AAMP: variants seen among roughly 807,000 people sequenced by gnomAD.
The protein encoded by AAMP is angio associated migratory cell protein.
A neutral mutation model predicts 51.1 loss-of-function variants in AAMP; 12 were observed. That is an observed-to-expected ratio of 0.23 (90% confidence interval 0.15 to 0.38). AAMP has a LOEUF of 0.38. Ranked by LOEUF, AAMP falls within the 10% of genes least tolerant of loss-of-function variation. The pLI, the probability that AAMP is intolerant of heterozygous loss-of-function variation, is 1.00. For synonymous variants in AAMP, 210 were observed against 218.7 expected (o/e 0.96, Z 0.35); for missense variants, 418 against 557.2 (o/e 0.75, Z 2.52).
Position 218,266,075 on chromosome 2 carries a change from T to C in AAMP, c.752A>G (p.His251Arg), listed in dbSNP as rs770762630. 4 of 1,614,112 alleles carry C rather than the reference T, an allele frequency of 2.5e-6. No homozygotes were observed. The highest frequency in any genetic ancestry group is 2.2e-5 in the South Asian group (2 of 91,082). Residue 251 changes from histidine to arginine, a missense_variant, in exon 6 of 11, where the codon CAT (histidine) becomes CGT (arginine). His to Arg is a conservative substitution (Grantham distance 29, BLOSUM62 0). Coordinates refer to ENST00000248450, the MANE Select transcript of AAMP (RefSeq NM_001087.5). The surrounding 1 kb of genome is among the most constrained non-coding windows in gnomAD (Gnocchi z 4.7). The stretch of plus-strand genomic sequence containing the variant: ...CCCACCTCTGATACCTTTCAGTACA[T>C]GGATAGGGCTTCCCTGCTTCAGGTC... ...IWDLKQGSPI[H>R]VLKGTEGHQG...
In AAMP at chr2:218,269,969, G is replaced by A. The variant is rs1392194866; in HGVS notation, c.118C>T (p.Pro40Ser). Residue 40 changes from proline (P) to serine (S), a missense_variant, in exon 1 of 11, where the codon CCA becomes TCA. Coordinates refer to ENST00000248450, the MANE Select transcript of AAMP (RefSeq NM_001087.5). ...VVELDPGPPDPDDLAQEMEDV... is the reference protein window; with the variant it reads ...VVELDPGPPDSDDLAQEMEDV... ...CCTGAGGAGCGGCAGTTCTCACCTG[G>A]GTCCGGCGGACCGGGATCAAGTTCT... 6.2e-7 allele frequency: 1 copy of A among 1,613,976 alleles called. No homozygotes were observed. Among genetic ancestry groups the A allele is most frequent in the Non-Finnish European group, 8.5e-7 (1 of 1,180,004 alleles).
At position 218,266,825 on chromosome 2, in the gene AAMP, A is replaced by G; in HGVS notation, c.534+22T>C. ...AACAACCCAAGGCCCCACAGAGCTG[A>G]CTCCCGCTCTGATGATCTTACCTCC... On this transcript the variant is annotated intron_variant, in intron 4 of 10. Coordinates refer to ENST00000248450, the MANE Select transcript of AAMP (RefSeq NM_001087.5). This position sits in a 1 kb window ranked among gnomAD's most constrained non-coding sequence, Gnocchi z 4.7. 6.2e-7 allele frequency: 1 copy of G among 1,613,104 alleles called. No individual in the cohort carries two copies.
In AAMP at chr2:218,265,517, C is replaced by T; in HGVS notation, c.984-56G>A. 3 of 1,574,714 alleles carry T rather than the reference C, an allele frequency of 1.9e-6. No homozygotes were observed. Among genetic ancestry groups the T allele is most frequent in the Non-Finnish European group, 2.6e-6 (3 of 1,146,034 alleles). On this transcript the variant is annotated intron_variant, in intron 8 of 10. Coordinates refer to ENST00000248450, the MANE Select transcript of AAMP (RefSeq NM_001087.5). This position sits in a 1 kb window ranked among gnomAD's most constrained non-coding sequence, Gnocchi z 6.6. ...TGAGGGCCTGGACTCACACGCCCTG[C>T]CGTCCTCCCGGGCCCCCAGCCCAGG...
rs780505810 is a variant in AAMP, at chr2:218,264,515, A to C, written c.*18T>G. On this transcript the variant is annotated 3_prime_UTR_variant, in exon 11 of 11. Transcript: ENST00000248450. Reference sequence around the variant, plus strand: ...TTCGTCCCCTCAACACCAGACACACAGGCAGGGGCTGCAGCCATTAACGGT... The same window carrying C: ...TTCGTCCCCTCAACACCAGACACACCGGCAGGGGCTGCAGCCATTAACGGT... 6.2e-7 allele frequency: 1 copy of C among 1,612,510 alleles called. No homozygotes were observed. Among genetic ancestry groups the C allele is most frequent in the Non-Finnish European group, 8.5e-7 (1 of 1,178,522 alleles).
intron 1 of AAMP, 171 bp downstream of exon 1, chr2:218,269,795 C>T: frequency 8.7e-7 from 1 of 1,152,594 alleles, no homozygotes; most frequent in South Asian, 1.5e-5. Flanking sequence ...AGGGAACCCC[C>T]ACCCCAGCCA....
rs549698349 is a variant in AAMP at position 218,267,100 on chromosome 2, C to T, written c.395-114G>A. 1.6e-6 allele frequency: 2 copies of T among 1,247,588 alleles called. No homozygotes were observed. The highest frequency in any genetic ancestry group is 4.9e-5 in the East Asian group (2 of 41,112). 77.3% of individuals were successfully genotyped at this position (1,247,588 alleles called of 1,614,324 possible). ...GGACCAGCTAGGAAAAAAAGAGGGG[C>T]GGGACTGAGCAGAACAGGTGCTGGA... On this transcript the variant is annotated intron_variant, in intron 3 of 10. Coordinates refer to ENST00000248450, the MANE Select transcript of AAMP (RefSeq NM_001087.5). The surrounding 1 kb of genome is among the most constrained non-coding windows in gnomAD (Gnocchi z 4.6).
rs1690669672 is a variant in AAMP at position 218,267,833 on chromosome 2, G to A, written c.275-220C>T. Reference sequence around the variant, plus strand: ...TTGCCAGAGTAGATCCCCTCACTGTGTGACTCCCGTCACCACCCAACACCA... The same window carrying A: ...TTGCCAGAGTAGATCCCCTCACTGTATGACTCCCGTCACCACCCAACACCA... On this transcript the variant is annotated intron_variant, in intron 2 of 10. Coordinates refer to ENST00000248450, the MANE Select transcript of AAMP (RefSeq NM_001087.5). This position sits in a 1 kb window ranked among gnomAD's most constrained non-coding sequence, Gnocchi z 4.6. 6.6e-6 allele frequency among the ~76,000 whole-genome samples: 1 copy of A among 152,202 alleles called. No homozygotes were observed. Among genetic ancestry groups the A allele is most frequent in the African/African-American group, 2.4e-5 (1 of 41,448 alleles).
At chr2:218,269,877 C>A in intron 1 of AAMP, 89 bp downstream of exon 1, 1 of 1,570,588 alleles carries the variant, frequency 6.4e-7, no homozygotes, top group South Asian at 1.1e-5. Flanking sequence ...AATGACCAGT[C>A]GGGTGTGGAG....
rs1385057731 is a variant in AAMP, at chr2:218,267,348, G to A, written c.394+146C>T. 1.7e-5 allele frequency: 21 copies of A among 1,236,026 alleles called. No individual in the cohort carries two copies. The highest frequency in any genetic ancestry group is 2.8e-5 in the South Asian group (2 of 70,642). 76.6% of individuals were successfully genotyped at this position (1,236,026 alleles called of 1,614,324 possible). A position where few individuals can be genotyped will look rare whatever the true frequency, so the allele number is the denominator to read the frequency against. On this transcript the variant is annotated intron_variant, in intron 3 of 10. Transcript: ENST00000248450. The surrounding 1 kb of genome is among the most constrained non-coding windows in gnomAD (Gnocchi z 4.6). ...CTGTGCCCAAAACACACTAGTATTC[G>A]CCCCGTGTCCCTGGGGCCCAGCACA...
At position 218,265,994 on chromosome 2, in the gene AAMP, T is replaced by C. The variant is rs1397842378; in HGVS notation, c.764-48A>G. ...CTCAGGCTTCGTCCTACCTCCCCTC[T>C]GAGTCCTGCCCCAGGTTCTCAGCCC... On this transcript the variant is annotated intron_variant, in intron 6 of 10. Transcript: ENST00000248450. The surrounding 1 kb of genome is among the most constrained non-coding windows in gnomAD (Gnocchi z 6.6). 22 of 1,608,898 alleles carry C rather than the reference T, an allele frequency of 1.4e-5. No individual in the cohort carries two copies. Among genetic ancestry groups the C allele is most frequent in the Non-Finnish European group, 1.9e-5 (22 of 1,175,486 alleles).
At position 218,264,303 on chromosome 2, in the gene AAMP, C is replaced by T; in HGVS notation, c.*230G>A. ...AAATGAAAGTGAAAGAGAAACAGGT[C>T]CACCCCTCCCTCTGAAGGGCCCACC... On this transcript the variant is annotated 3_prime_UTR_variant, in exon 11 of 11. Coordinates refer to ENST00000248450, the MANE Select transcript of AAMP (RefSeq NM_001087.5). 1.8e-6 allele frequency: 1 copy of T among 560,186 alleles called. No individual in the cohort carries two copies. Among genetic ancestry groups the T allele is most frequent in the Non-Finnish European group, 3.2e-6 (1 of 312,856 alleles). The allele number at this position is 560,186 out of a possible 1,614,324, so 34.7% of individuals were successfully genotyped here.
In AAMP at chr2:218,267,229, T is replaced by C. The variant is rs1406825817; in HGVS notation, c.395-243A>G. Among the ~76,000 whole-genome samples, 1 of 152,170 alleles carries C rather than the reference T, an allele frequency of 6.6e-6. No homozygotes were observed. The highest frequency in any genetic ancestry group is 1.5e-5 in the Non-Finnish European group (1 of 68,022). On this transcript the variant is annotated intron_variant, in intron 3 of 10. Coordinates refer to ENST00000248450, the MANE Select transcript of AAMP (RefSeq NM_001087.5). This position sits in a 1 kb window ranked among gnomAD's most constrained non-coding sequence, Gnocchi z 4.6. ...CCAGCCTCCTATGCCTTCCCCCTTC[T>C]GTCCACTCTACACCTCTGCCCGCCT...
Position 218,267,670 on chromosome 2 carries a change from C to T in AAMP, c.275-57G>A. On this transcript the variant is annotated intron_variant, in intron 2 of 10. Coordinates refer to ENST00000248450, the MANE Select transcript of AAMP (RefSeq NM_001087.5). This position sits in a 1 kb window ranked among gnomAD's most constrained non-coding sequence, Gnocchi z 4.6. The stretch of plus-strand genomic sequence containing the variant: ...ACAGAGCTCCCACCTAGGGCTCTGT[C>T]CTTCACAATCTTCAGGAAACCCACC... 1 of 1,598,520 alleles carries T rather than the reference C, an allele frequency of 6.3e-7. No homozygotes were observed.
rs1335750358 is a variant in AAMP at position 218,270,130 on chromosome 2, C to G, written c.-44G>C. ...CCACTTCTCTGGGCCCAAACGCCTC[C>G]CAGAGTCAGCTCTGCGCGACGACGC... is the stretch of plus-strand genomic sequence containing the variant. On this transcript the variant is annotated 5_prime_UTR_variant, in exon 1 of 11. Coordinates refer to ENST00000248450, the MANE Select transcript of AAMP (RefSeq NM_001087.5). The G allele has an allele frequency of 6.2e-7, 1 of 1,607,346 alleles. No individual in the cohort carries two copies. Among genetic ancestry groups the G allele is most frequent in the Non-Finnish European group, 8.5e-7 (1 of 1,176,348 alleles).
At position 218,266,555 on chromosome 2, in the gene AAMP, C is replaced by G. The variant is rs752826505; in HGVS notation, c.567G>C (p.Leu189=). The G allele has an allele frequency of 3.7e-6, 6 of 1,613,740 alleles. No homozygotes were observed. The highest frequency in any genetic ancestry group is 5.1e-6 in the Non-Finnish European group (6 of 1,179,934). Residue 189 remains leucine (L), a synonymous_variant, in exon 5 of 11, where the codon CTG becomes CTC. Coordinates refer to ENST00000248450, the MANE Select transcript of AAMP (RefSeq NM_001087.5). The surrounding 1 kb of genome is among the most constrained non-coding windows in gnomAD (Gnocchi z 4.7). ...TGTTGCCGTCAGCTGTGCCCGCCAACAGGACAGGTGCCCGAGGATGCCACT... is the reference window on the plus strand; with the variant it reads ...TGTTGCCGTCAGCTGTGCCCGCCAAGAGGACAGGTGCCCGAGGATGCCACT... The part of the protein sequence containing the change: ...WMEWHPRAPV[L]LAGTADGNTW...
In AAMP at chr2:218,265,757, G is replaced by A; in HGVS notation, c.879+74C>T. 1 of 1,570,424 alleles carries A rather than the reference G, an allele frequency of 6.4e-7. No homozygotes were observed. The highest frequency in any genetic ancestry group is 1.3e-5 in the African/African-American group (1 of 74,208). On this transcript the variant is annotated intron_variant, in intron 7 of 10. Transcript: ENST00000248450. The surrounding 1 kb of genome is among the most constrained non-coding windows in gnomAD (Gnocchi z 6.6). The stretch of plus-strand genomic sequence containing the variant: ...GGAGAGAAAGACGGTGGGGAGAGGA[G>A]ACAGTGAAGACCCAGGAAGGAAGGA...
At position 218,266,408 on chromosome 2, in the gene AAMP, A is replaced by C; in HGVS notation, c.679+35T>G. On this transcript the variant is annotated intron_variant, in intron 5 of 10. Transcript: ENST00000248450. This position sits in a 1 kb window ranked among gnomAD's most constrained non-coding sequence, Gnocchi z 4.7. ...GTATATCCCGGGATTCGGCCTCTGC[A>C]CCCAGGAAAGGTCACTCAAGGGAGG... 1 of 1,604,942 alleles carries C rather than the reference A, an allele frequency of 6.2e-7. No individual in the cohort carries two copies. The highest frequency in any genetic ancestry group is 8.5e-7 in the Non-Finnish European group (1 of 1,173,200).
intron 1 of AAMP, 143 bp from the exon 2 acceptor site, chr2:218,269,677 G>A (rs1422439779): frequency 5.0e-6 from 7 of 1,404,626 alleles, no homozygotes; most frequent in Non-Finnish European, 6.9e-6. Context: ...GCGGGGGCGC[G>A]CGGGACACAG....
At position 218,270,068 on chromosome 2, in the gene AAMP, T is replaced by G; in HGVS notation, c.19A>C (p.Ser7Arg). 1 of 1,614,032 alleles carries G rather than the reference T, an allele frequency of 6.2e-7. No homozygotes were observed. Among genetic ancestry groups the G allele is most frequent in the Non-Finnish European group, 8.5e-7 (1 of 1,179,970 alleles). The change falls in exon 1 of 11, where the codon AGC becomes CGC. Residue 7 changes from serine (S) to arginine (R), a missense_variant. Ser to Arg is a moderately radical substitution (Grantham distance 110, BLOSUM62 -1). Coordinates refer to ENST00000248450, the MANE Select transcript of AAMP (RefSeq NM_001087.5). The part of the protein sequence containing the change: MESESE[S>R]GAAADTPPLE... ...GGGGGGGTGTCAGCAGCAGCCCCGCTTTCCGATTCGGACTCCATGCGGCGC... is the reference window on the plus strand; with the variant it reads ...GGGGGGGTGTCAGCAGCAGCCCCGCGTTCCGATTCGGACTCCATGCGGCGC...
Sources: gnomAD v4.1 joint callset for allele counts (sites outside exome capture counted in the v4.1 genomes callset) on GRCh38, gnomAD v4.1.1 for gene constraint, Gnocchi (gnomAD v3.1) non-coding constraint, MANE v1.5 for transcripts, NCBI Gene and HGNC (gene_info 2026-07-23, HGNC 2026-07-21) for gene names.